CAD: variants seen among roughly 807,000 people sequenced by gnomAD.
CAD encodes the protein carbamoyl-phosphate synthetase 2, aspartate transcarbamylase, and dihydroorotase.
CAD carries 81 observed loss-of-function variants against 237.2 expected under a neutral mutation model. The ratio of observed to expected loss-of-function variants is 0.34; its 90% confidence interval spans 0.29 to 0.41. CAD has a LOEUF of 0.41. Among genes scored for constraint, CAD ranks in the 10% least tolerant of loss-of-function variants. The pLI is 1.00. For synonymous variants in CAD, 1,196 were observed against 1,162.8 expected (o/e 1.03, Z -0.58); for missense variants, 2,181 against 2,951.7 (o/e 0.74, Z 6.05).
At position 27,239,240 on chromosome 2, in the gene CAD, G is replaced by T. The variant is rs755241075; in HGVS notation, c.5253+8G>T. ...GAGGACACCTATGTGGAGGTGTGGG[G>T]ATGAGGCCCAGAGCAGGAGGGGGGC... On this transcript the variant is annotated splice_region_variant and intron_variant, in intron 32 of 43. Transcript: ENST00000264705. The surrounding 1 kb of genome is among the most constrained non-coding windows in gnomAD (Gnocchi z 4.0). 2 of 1,602,640 alleles carry T rather than the reference G, an allele frequency of 1.2e-6. No individual in the cohort carries two copies. The highest frequency in any genetic ancestry group is 1.7e-6 in the Non-Finnish European group (2 of 1,171,814).
intron 15 of CAD, among the ~76,000 whole-genome samples, chr2:27,227,970 A>G (rs982048909): frequency 1.3e-5 from 2 of 152,240 alleles, no homozygotes; most frequent in African/African-American, 4.8e-5. Flanking sequence ...ATGTGTATGC[A>G]TGTATTAGGC....
At chr2:27,224,201 A>G in intron 8 of CAD, 144 bp from the exon 9 acceptor site, 1 of 968,574 alleles carries the variant, frequency 1.0e-6, no homozygotes, top group South Asian at 1.6e-5. Context: ...AAGGAACTCC[A>G]GGGTCCTGGG....
At chr2:27,220,206 C>G (rs183296879) in intron 2 of CAD, among the ~76,000 whole-genome samples, 2 of 152,144 alleles carry the variant, frequency 1.3e-5, no homozygotes, top group Non-Finnish European at 2.9e-5. Flanking sequence ...TGTTTCGTGA[C>G]AAAGACACAA....
intron 3 of CAD, 117 bp downstream of exon 3, chr2:27,221,464 A>C (rs1209849669): frequency 9.0e-6 from 9 of 996,420 alleles, no homozygotes; most frequent in South Asian, 3.3e-5. Flanking sequence ...TGGAAGGTTT[A>C]GATTGGAGTT....
rs1675811102 is a variant in CAD at position 27,232,539 on chromosome 2, C to A, written c.2737C>A (p.Gln913Lys). 4 of 1,614,192 alleles carry A rather than the reference C, an allele frequency of 2.5e-6. No individual in the cohort carries two copies. The highest frequency in any genetic ancestry group is 3.4e-6 in the Non-Finnish European group (4 of 1,180,036). ...IDTVAAEWPA[Q>K]TNYLYLTYWG... ...CACAGTTGCAGCTGAGTGGCCAGCCCAGACAAATTACCTATACCTAACGTA... is the reference window on the plus strand; with the variant it reads ...CACAGTTGCAGCTGAGTGGCCAGCCAAGACAAATTACCTATACCTAACGTA... The change falls in exon 18 of 44, where the codon CAG (glutamine) becomes AAG (lysine). Residue 913 changes from glutamine (Q) to lysine (K), a missense_variant. By Grantham distance (53) the Gln-to-Lys change is moderately conservative. Around this residue, in one of 12 missense-constraint regions of CAD, gnomAD observed 385 missense variants for 535.1 expected, o/e 0.72. Transcript: ENST00000264705. The surrounding 1 kb of genome is among the most constrained non-coding windows in gnomAD (Gnocchi z 4.1).
intron 15 of CAD, among the ~76,000 whole-genome samples, chr2:27,228,031 C>A (rs970221997): frequency 6.6e-6 from 1 of 152,160 alleles, no homozygotes; most frequent in Non-Finnish European, 1.5e-5. Flanking sequence ...ACCACAGTTA[C>A]AAAGAAATTG....
chr2:27,233,648 C>T lies in CAD; in HGVS notation c.3239C>T (p.Thr1080Ile), dbSNP rs1229789001. The T allele has an allele frequency of 1.2e-6, 2 of 1,614,188 alleles. No individual in the cohort carries two copies. The highest frequency in any genetic ancestry group is 3.3e-5 in the Admixed American group (2 of 60,028). Residue 1080 changes from threonine to isoleucine, a missense_variant, in exon 21 of 44, where the codon ACC becomes ATC. Thr to Ile is a moderately conservative substitution (Grantham distance 89). Coordinates refer to ENST00000264705, the MANE Select transcript of CAD (RefSeq NM_004341.5). This position sits in a 1 kb window ranked among gnomAD's most constrained non-coding sequence, Gnocchi z 6.3. Reference sequence around the variant, plus strand: ...TAGTCTGCTCGCCAATTCTGCCAGACCGTGGGGTACCCCTGTGTGGTGCGC... The same window carrying T: ...TAGTCTGCTCGCCAATTCTGCCAGATCGTGGGGTACCCCTGTGTGGTGCGC... Reference protein sequence around the residue: ...DLESARQFCQTVGYPCVVRPS... With the variant: ...DLESARQFCQIVGYPCVVRPS...
chr2:27,231,431 C>G, intron 15 of CAD, 37 bp from the exon 16 acceptor site: 1 of 1,237,300 alleles, frequency 8.1e-7, no homozygotes, highest in Middle Eastern at 1.9e-4. Context: ...ACCCCTTCCA[C>G]CTCCACACCT....
At position 27,243,441 on chromosome 2, in the gene CAD, G is replaced by T; in HGVS notation, c.6601G>T (p.Ala2201Ser). 3.2e-6 allele frequency: 5 copies of T among 1,547,136 alleles called. No homozygotes were observed. Among genetic ancestry groups the T allele is most frequent in the Non-Finnish European group, 4.4e-6 (5 of 1,133,524 alleles). ...CGTGGAAGTGGACTCGGATCCCCGC[G>T]CAGCCTACTTCCGCCAGGCTGAGAA... ...ISVEVDSDPRAAYFRQAENGM... is the reference protein window; with the variant it reads ...ISVEVDSDPRSAYFRQAENGM... The change falls in exon 44 of 44, where the codon GCA becomes TCA. Residue 2201 changes from alanine to serine, a missense_variant. By Grantham distance (99) the Ala-to-Ser change is moderately conservative. Around this residue, in one of 12 missense-constraint regions of CAD, gnomAD observed 170 missense variants for 212.1 expected, o/e 0.80. Coordinates refer to ENST00000264705, the MANE Select transcript of CAD (RefSeq NM_004341.5).
In CAD at chr2:27,217,842, C is replaced by T. The variant is rs200556001; in HGVS notation, c.83-35C>T. The T allele has an allele frequency of 2.8e-5, 44 of 1,560,570 alleles. No homozygotes were observed. The African/African-American group carries it at 5.3e-4, about 19-fold the overall frequency. ...CGCGCGGGGAGTGTTCCGAAGGGTGCCCTACCGGAGCCCAGCCCTGCTTCT... is the reference window on the plus strand; with the variant it reads ...CGCGCGGGGAGTGTTCCGAAGGGTGTCCTACCGGAGCCCAGCCCTGCTTCT... On this transcript the variant is annotated intron_variant, in intron 1 of 43. Coordinates refer to ENST00000264705, the MANE Select transcript of CAD (RefSeq NM_004341.5).
At position 27,242,196 on chromosome 2, in the gene CAD, G is replaced by T. The variant is rs114065165; in HGVS notation, c.6096+73G>T. Reference sequence around the variant, plus strand: ...GGGGCATGAGAACCCTTCTGCCCACGTTTTCTGTGTTTTGGGCCAGATGAG... The same window carrying T: ...GGGGCATGAGAACCCTTCTGCCCACTTTTTCTGTGTTTTGGGCCAGATGAG... On this transcript the variant is annotated intron_variant, in intron 39 of 43. Transcript: ENST00000264705. This position sits in a 1 kb window ranked among gnomAD's most constrained non-coding sequence, Gnocchi z 6.4. The T allele has an allele frequency of 4.4e-6, 7 of 1,586,858 alleles. No individual in the cohort carries two copies. Among genetic ancestry groups the T allele is most frequent in the Non-Finnish European group, 6.0e-6 (7 of 1,163,246 alleles).
rs781707477 is a variant in CAD at position 27,229,107 on chromosome 2, C to T, written c.2287+2145C>T. Among the ~76,000 whole-genome samples, 8 of 150,910 alleles carry T rather than the reference C, an allele frequency of 5.3e-5. 1 individual carries two copies. The South Asian group carries it at 6.3e-4, about 12-fold the overall frequency. On this transcript the variant is annotated intron_variant, in intron 15 of 43. Coordinates refer to ENST00000264705, the MANE Select transcript of CAD (RefSeq NM_004341.5). ...CTAATTTTTGTATTTTTAGTAGAGACGGGGGTTTCATCATACTGCTTAGGA... is the reference window on the plus strand; with the variant it reads ...CTAATTTTTGTATTTTTAGTAGAGATGGGGGTTTCATCATACTGCTTAGGA...
Position 27,239,430 on chromosome 2 carries a change from C to T in CAD, c.5353C>T (p.Arg1785Cys), listed in dbSNP as rs142542750. 9 of 1,613,908 alleles carry T rather than the reference C, an allele frequency of 5.6e-6. No individual in the cohort carries two copies. The highest frequency in any genetic ancestry group is 1.7e-4 in the Middle Eastern group (1 of 6,046). The change falls in exon 33 of 44, where the codon CGT becomes TGT. Residue 1785 changes from arginine to cysteine, a missense_variant. Transcript: ENST00000264705. The surrounding 1 kb of genome is among the most constrained non-coding windows in gnomAD (Gnocchi z 4.0). ...GCAGAAAGTGAAGGGCACCGTCCGC[C>T]GTGTGGTCCTGCGAGGGGAGGTTGC... is the stretch of plus-strand genomic sequence containing the variant. ...EGQKVKGTVR[R>C]VVLRGEVAYI...
chr2:27,237,751 C>T lies in CAD; in HGVS notation c.4597C>T (p.Leu1533=), dbSNP rs1222020511. The T allele has an allele frequency of 6.2e-7, 1 of 1,614,172 alleles. No homozygotes were observed. The highest frequency in any genetic ancestry group is 1.1e-5 in the South Asian group (1 of 91,072). ...AEAGARCDFA[L]FLGASSENAG... ...GGCTGGCGCCCGGTGCGACTTTGCG[C>T]TATTCCTTGGGGCCTCGTCTGAAAA... Residue 1533 remains leucine (L), a synonymous_variant, in exon 29 of 44, where the codon CTA becomes TTA. Transcript: ENST00000264705. This position sits in a 1 kb window ranked among gnomAD's most constrained non-coding sequence, Gnocchi z 4.0.
rs1002903409 is a variant in CAD, at chr2:27,235,762, G to A, written c.4074+122G>A. Reference sequence around the variant, plus strand: ...TACCTGTAGTCCCAGATACTCAGGAGGCTAAGGCAGGAGAATCTCTTGAGC... The same window carrying A: ...TACCTGTAGTCCCAGATACTCAGGAAGCTAAGGCAGGAGAATCTCTTGAGC... On this transcript the variant is annotated intron_variant, in intron 25 of 43. Transcript: ENST00000264705. The surrounding 1 kb of genome is among the most constrained non-coding windows in gnomAD (Gnocchi z 5.2). The A allele has an allele frequency of 7.9e-6, 6 of 761,350 alleles. No homozygotes were observed. The African/African-American group carries it at 1.0e-4, about 13-fold the overall frequency. 47.2% of individuals were successfully genotyped at this position (761,350 alleles called of 1,614,324 possible). A position where few individuals can be genotyped will look rare whatever the true frequency, so the allele number is the denominator to read the frequency against.
chr2:27,238,586 C>T lies in CAD; in HGVS notation c.5016C>T (p.Ala1672=). ...PELGSRQDVE[A]LWENMAVIDC... ...TTGGCTCCCGCCAGGATGTGGAAGC[C>T]CTGTGGGAGAACATGGCTGTCATCG... Residue 1672 remains alanine (A), a synonymous_variant, in exon 31 of 44, where the codon GCC becomes GCT. Coordinates refer to ENST00000264705, the MANE Select transcript of CAD (RefSeq NM_004341.5). The T allele has an allele frequency of 6.2e-7, 1 of 1,613,950 alleles. No individual in the cohort carries two copies. The highest frequency in any genetic ancestry group is 8.5e-7 in the Non-Finnish European group (1 of 1,179,986).
chr2:27,239,473 T>C lies in CAD; in HGVS notation c.5394+2T>C, dbSNP rs1558543576. 6.2e-7 allele frequency: 1 copy of C among 1,613,222 alleles called. No individual in the cohort carries two copies. On this transcript the variant is annotated splice_donor_variant, in intron 33 of 43. Coordinates refer to ENST00000264705, the MANE Select transcript of CAD (RefSeq NM_004341.5). LOFTEE classifies it high-confidence loss of function. This position sits in a 1 kb window ranked among gnomAD's most constrained non-coding sequence, Gnocchi z 4.0. ...GAGGTTGCCTATATCGATGGGCAGGTACGCAAGTAGCCCCTGCCTGATCTC... is the reference window on the plus strand; with the variant it reads ...GAGGTTGCCTATATCGATGGGCAGGCACGCAAGTAGCCCCTGCCTGATCTC...
At position 27,226,733 on chromosome 2, in the gene CAD, A is replaced by G. The variant is rs1675459342; in HGVS notation, c.2156+84A>G. 6 of 1,603,024 alleles carry G rather than the reference A, an allele frequency of 3.7e-6. No individual in the cohort carries two copies. In the South Asian group the frequency reaches 6.6e-5, roughly 18 times the overall value. ...TGATGGGACAGGGAATATGAAAAGG[A>G]CATTGGCCTGGATTTGTGGGAATGG... is the stretch of plus-strand genomic sequence containing the variant. On this transcript the variant is annotated intron_variant, in intron 14 of 43. Coordinates refer to ENST00000264705, the MANE Select transcript of CAD (RefSeq NM_004341.5).
chr2:27,231,408 G>A lies in CAD; in HGVS notation c.2288-60G>A. On this transcript the variant is annotated intron_variant, in intron 15 of 43. Transcript: ENST00000264705. ...CTATAAACCATAAGCATTATGGGCA[G>A]TGCCTTCTTCCCACCCCTTCCACCT... The A allele has an allele frequency of 4.3e-6, 4 of 935,410 alleles. No homozygotes were observed. The South Asian group carries it at 5.3e-5, about 12-fold the overall frequency. 57.9% of individuals were successfully genotyped at this position (935,410 alleles called of 1,614,324 possible).
Sources: allele counts gnomAD v4.1 joint callset (sites outside exome capture counted in the v4.1 genomes callset), GRCh38; gene constraint gnomAD v4.1.1; regional missense constraint gnomAD v4.1.1; non-coding constraint Gnocchi (gnomAD v3.1); transcripts MANE v1.5; gene names NCBI Gene and HGNC (gene_info 2026-07-23, HGNC 2026-07-21).